MED16: variants seen among roughly 807,000 people sequenced by gnomAD.
The protein encoded by MED16 is mediator complex subunit 16.
A neutral mutation model predicts 84.4 loss-of-function variants in MED16; 81 were observed. The observed-to-expected ratio is 0.96, with a 90% CI of 0.80 to 1.15. The LOEUF is 1.15. Ranked by LOEUF, MED16 falls within the 50% of genes most tolerant of loss-of-function variation. The probability of loss-of-function intolerance (pLI) is 0.00; values close to 1 mark genes in which losing one functional copy is unlikely to be tolerated. For missense variants in MED16, 1,585 were observed against 1,245.9 expected (o/e 1.27, Z -4.10); for synonymous variants, 897 against 552.2 (o/e 1.62, Z -8.76).
intron 4 of MED16, among the ~76,000 whole-genome samples, chr19:887,660 T>C (rs1159961403): frequency 6.6e-6 from 1 of 151,978 alleles, no homozygotes; most frequent in Non-Finnish European, 1.5e-5. Flanking sequence ...AACAAGACTC[T>C]GTCTCAAAAA....
intron 11 of MED16, 70 bp from the exon 12 acceptor site, chr19:872,188 G>A: frequency 8.5e-6 from 12 of 1,411,496 alleles, no homozygotes; most frequent in Non-Finnish European, 1.2e-5. Context: ...AGTGTCTTGG[G>A]GTCGGTGGAA....
intron 13 of MED16, among the ~76,000 whole-genome samples, chr19:870,626 G>A (rs941892943): frequency 6.6e-6 from 1 of 151,862 alleles, no homozygotes; most frequent in African/African-American, 2.4e-5. Context: ...TGTTGGGGGT[G>A]GTTCGTGACA....
chr19:871,795 A>C, intron 12 of MED16, 131 bp downstream of exon 12: 1 of 103,434 alleles, frequency 9.7e-6, no homozygotes, highest in East Asian at 2.2e-4. Flanking sequence ...GAGAGCGGGG[A>C]GAAGGGAGAG....
chr19:893,165 T>A lies in MED16; in HGVS notation c.-98A>T, dbSNP rs1395270210. 1.3e-5 allele frequency: 2 copies of A among 152,246 alleles called. No homozygotes were observed. Among genetic ancestry groups the A allele is most frequent in the Non-Finnish European group, 2.9e-5 (2 of 68,054 alleles). The allele number at this position is 152,246 out of a possible 1,614,324, so 9.4% of individuals were successfully genotyped here. A position where few individuals can be genotyped will look rare whatever the true frequency, so the allele number is the denominator to read the frequency against. ...CGCCTCGGGTCTGGCGCCGCCATCT[T>A]CCTCGGTAACAACCAGTCGCCTGAG... is the stretch of plus-strand genomic sequence containing the variant. On this transcript the variant is annotated 5_prime_UTR_variant, in exon 1 of 16. Transcript: ENST00000325464.
At chr19:877,304 G>A (rs541034184) in intron 8 of MED16, 124 bp from the exon 9 acceptor site, 8 of 807,934 alleles carry the variant, frequency 9.9e-6, no homozygotes, top group Non-Finnish European at 1.4e-5. Flanking sequence ...CCGTGTGTGG[G>A]CCTGTGTGCG....
chr19:886,538 C>CG (rs2036531062), intron 4 of MED16, among the ~76,000 whole-genome samples: 1 of 152,198 alleles, frequency 6.6e-6, no homozygotes, highest in African/African-American at 2.4e-5. Context: ...CCTGTTGCAA[C>CG]GACTTGGCTC....
chr19:875,001 A>G (rs942353876), intron 10 of MED16, among the ~76,000 whole-genome samples: 1 of 150,010 alleles, frequency 6.7e-6, no homozygotes, highest in African/African-American at 2.5e-5. Flanking sequence ...CGTCTCTACT[A>G]AAAATACAAA....
intron 12 of MED16, 180 bp downstream of exon 12, chr19:871,746 G>C (rs1599316917): frequency 2.6e-6 from 2 of 774,384 alleles, no homozygotes; most frequent in Non-Finnish European, 4.0e-6. Flanking sequence ...CAGGACTTGT[G>C]TTTTGGTAGG....
rs762470700 is a variant in MED16, at chr19:873,589, G to A, written c.1772-7C>T. 3.1e-6 allele frequency: 5 copies of A among 1,611,934 alleles called. No homozygotes were observed. The highest frequency in any genetic ancestry group is 4.2e-6 in the Non-Finnish European group (5 of 1,179,596). Reference sequence around the variant, plus strand: ...ATCATGACCTTGTCAATGTCTACAAGGAGACGTGGGTCGGGTCAGCTCGGG... The same window carrying A: ...ATCATGACCTTGTCAATGTCTACAAAGAGACGTGGGTCGGGTCAGCTCGGG... On this transcript the variant is annotated splice_polypyrimidine_tract_variant and splice_region_variant and intron_variant, in intron 10 of 15. Coordinates refer to ENST00000325464, the MANE Select transcript of MED16 (RefSeq NM_005481.3).
chr19:871,617 T>C, intron 12 of MED16: 1 of 1,595,498 alleles, frequency 6.3e-7, no homozygotes, highest in South Asian at 1.1e-5. Context: ...TGGAAGTGGC[T>C]GCCATCCCAA....
chr19:877,372 A>T (rs1175249042), intron 8 of MED16, among the ~76,000 whole-genome samples, 192 bp from the exon 9 acceptor site: 1 of 152,130 alleles, frequency 6.6e-6, no homozygotes, highest in Non-Finnish European at 1.5e-5. Context: ...TGCCTCTGGG[A>T]ACAGGGAAGG....
At chr19:891,381 G>C (rs1000064151) in intron 1 of MED16, among the ~76,000 whole-genome samples, 1 of 152,210 alleles carries the variant, frequency 6.6e-6, no homozygotes, top group African/African-American at 2.4e-5. Flanking sequence ...GCCCGGGAGG[G>C]CTGGGACCTA....
At chr19:869,860 C>G (rs2036004536) in intron 13 of MED16, among the ~76,000 whole-genome samples, 1 of 152,206 alleles carries the variant, frequency 6.6e-6, no homozygotes, top group Non-Finnish European at 1.5e-5. Flanking sequence ...TCTGACGGGC[C>G]TGGGTTCAAA....
intron 8 of MED16, among the ~76,000 whole-genome samples, chr19:878,241 GCCCCAGC>G (rs2036311098): frequency 2.1e-5 from 1 of 48,486 alleles, no homozygotes. Context: ...ACCAGCCCCA[GCCCCAGC>G]CCCAGCCCCA....
In MED16 at chr19:885,815, G is replaced by A. The variant is rs1177969345; in HGVS notation, c.834C>T (p.Pro278=). The change falls in exon 5 of 16, where the codon CCC becomes CCT. Residue 278 remains proline, a synonymous_variant. Coordinates refer to ENST00000325464, the MANE Select transcript of MED16 (RefSeq NM_005481.3). Reference sequence around the variant, plus strand: ...CCAGGAACTTGAGGTGGGTGATGGCGGGAAACTTGTCCTTGCGGTTGAGGT... The same window carrying A: ...CCAGGAACTTGAGGTGGGTGATGGCAGGAAACTTGTCCTTGCGGTTGAGGT... The part of the protein sequence containing the change: ...TTDLNRKDKF[P]AITHLKFLAR... 9.3e-6 allele frequency: 15 copies of A among 1,612,976 alleles called. No individual in the cohort carries two copies. The highest frequency in any genetic ancestry group is 2.7e-5 in the African/African-American group (2 of 74,946).
At chr19:868,331 CAGCTGAGGGGT>C (rs745410752) in intron 15 of MED16, 74 bp downstream of exon 15, 14 of 1,538,920 alleles carry the variant, frequency 9.1e-6, no homozygotes, top group African/African-American at 8.4e-5. Context: ...GGCTCAGGGG[CAGCTGAGGGGT>C]AGCTGAGGAG....
chr19:875,694 G>A (rs770067467), intron 9 of MED16, among the ~76,000 whole-genome samples: 4 of 152,196 alleles, frequency 2.6e-5, no homozygotes, highest in Non-Finnish European at 5.9e-5. Flanking sequence ...CCCTGGTGAT[G>A]TCTGGAGATA....
intron 5 of MED16, 121 bp downstream of exon 5, chr19:885,649 G>C: frequency 1.7e-6 from 2 of 1,198,024 alleles, no homozygotes; most frequent in Non-Finnish European, 2.3e-6. Flanking sequence ...GGGAGGGACC[G>C]GCCCTGCCCA....
chr19:885,631 G>A, intron 5 of MED16, 139 bp downstream of exon 5: 1 of 1,019,038 alleles, frequency 9.8e-7, no homozygotes, highest in South Asian at 1.6e-5. Context: ...TTCTCCCCTG[G>A]AGCCCCCGGG....
Sources: gnomAD v4.1 joint callset for allele counts (sites outside exome capture counted in the v4.1 genomes callset) on GRCh38, gnomAD v4.1.1 for gene constraint, MANE v1.5 for transcripts, NCBI Gene and HGNC (gene_info 2026-07-23, HGNC 2026-07-21) for gene names.